The following TTC23L variants were observed in gnomAD, a reference collection of about 807,000 sequenced individuals.
The protein encoded by TTC23L is tetratricopeptide repeat domain 23 like, also known as tetratricopeptide repeat protein 23-like.
A neutral mutation model predicts 48.1 loss-of-function variants in TTC23L; 42 were observed. That is an observed-to-expected ratio of 0.87 (90% CI 0.68 to 1.13). The LOEUF is 1.13. TTC23L is among the 50% of genes most tolerant of loss of function. The pLI is 0.00. For synonymous variants in TTC23L, 159 were observed against 157.2 expected (o/e 1.01, Z -0.09); for missense variants, 391 against 421.0 (o/e 0.93, Z 0.62).
At chr5:34,910,213 T>A in the TTC23L span, among the ~76,000 whole-genome samples, 1 of 152,144 alleles carries the variant, frequency 6.6e-6, no homozygotes, top group African/African-American at 2.4e-5. Context: ...TTGTTTCCCA[T>A]CCTGGAGATG....
downstream of TTC23L, among the ~76,000 whole-genome samples, chr5:34,904,408 A>T (rs1454603433): frequency 6.6e-6 from 1 of 151,534 alleles, no homozygotes; most frequent in Non-Finnish European, 1.5e-5. Context: ...ATCCTGGCCA[A>T]CATGGTGAAA....
chr5:34,915,746 C>T, the TTC23L span: 2 of 1,600,534 alleles, frequency 1.2e-6, no homozygotes, highest in Non-Finnish European at 1.7e-6. Context: ...AAGATGGCGG[C>T]AACCAAGAGG....
chr5:34,920,047 G>A, the TTC23L span: 2 of 447,018 alleles, frequency 4.5e-6, no homozygotes, highest in Non-Finnish European at 8.1e-6. Context: ...ATCTCTCACA[G>A]TTTAGTGCTT....
At chr5:34,849,304 A>G (rs1315441422) in intron 3 of TTC23L, among the ~76,000 whole-genome samples, 1 of 152,234 alleles carries the variant, frequency 6.6e-6, no homozygotes, top group Non-Finnish European at 1.5e-5. Flanking sequence ...ACCAGTAGCC[A>G]TGAAGTCGTT....
At chr5:34,881,709 A>T (rs996996596) in intron 9 of TTC23L, among the ~76,000 whole-genome samples, 1 of 151,790 alleles carries the variant, frequency 6.6e-6, no homozygotes, top group Non-Finnish European at 1.5e-5. Context: ...CAAAAACCTT[A>T]TAATGATTTG....
intron 8 of TTC23L, chr5:34,869,645 C>A (rs1013411674): frequency 6.6e-6 from 1 of 152,174 alleles, no homozygotes; most frequent in Non-Finnish European, 1.5e-5. Flanking sequence ...AGTGGCCTGT[C>A]AGGAGGAATT....
chr5:34,920,296 A>G, the TTC23L span: 1 of 152,724 alleles, frequency 6.5e-6, no homozygotes, highest in Non-Finnish European at 1.5e-5. Context: ...GGAACTGGCT[A>G]TTAAGGTATT....
exon 7 of TTC23L, chr5:34,866,956 G>A: frequency 6.2e-7 from 1 of 1,610,544 alleles, no homozygotes; most frequent in Non-Finnish European, 8.5e-7. Context: ...AATTGGCGAT[G>A]TTATTGCTGC....
At chr5:34,913,924 T>G in the TTC23L span, 3 of 456,552 alleles carry the variant, frequency 6.6e-6, no homozygotes, top group African/African-American at 4.0e-5. Context: ...TCACTATGAT[T>G]ACCCAGGCTG....
intron 4 of TTC23L, 118 bp downstream of exon 4, chr5:34,850,426 A>C: frequency 5.6e-6 from 7 of 1,259,346 alleles, no homozygotes; most frequent in Non-Finnish European, 7.8e-6. Context: ...TAGCTCACAC[A>C]TTATCAGGAA....
At chr5:34,870,689 A>C (rs1378922739) in intron 8 of TTC23L, among the ~76,000 whole-genome samples, 1 of 151,724 alleles carries the variant, frequency 6.6e-6, no homozygotes, top group Non-Finnish European at 1.5e-5. Flanking sequence ...TGTGTAGATG[A>C]AAAAAGCAAC....
chr5:34,916,451 C>T, the TTC23L span: 11 of 152,364 alleles, frequency 7.2e-5, no homozygotes, highest in African/African-American at 2.6e-4. Flanking sequence ...TTGAATGTGC[C>T]ATGCACTGTA....
chr5:34,891,104 T>A (rs991225232), intron 9 of TTC23L, among the ~76,000 whole-genome samples: 1 of 152,016 alleles, frequency 6.6e-6, no homozygotes, highest in African/African-American at 2.4e-5. Context: ...AAATGCCCAA[T>A]GAATGTTGAG....
chr5:34,896,648 A>G, intron 9 of TTC23L, 122 bp from the exon 10 acceptor site: 1 of 710,230 alleles, frequency 1.4e-6, no homozygotes, highest in South Asian at 1.5e-5. Context: ...GAAAACATGA[A>G]GAAATAATAA....
chr5:34,839,326 G>A (rs1758386017), intron 1 of TTC23L, 67 bp downstream of exon 1: 1 of 152,730 alleles, frequency 6.5e-6, no homozygotes, highest in African/African-American at 2.4e-5. Context: ...GGAGCTGGGA[G>A]GCTGGTTCCG....
intron 1 of TTC23L, 86 bp from the exon 2 acceptor site, chr5:34,840,579 T>A: frequency 8.5e-7 from 1 of 1,179,848 alleles, no homozygotes; most frequent in Non-Finnish European, 1.3e-6. Context: ...CAGTTTTAGT[T>A]TAATGTTAAT....
chr5:34,903,188 T>C (rs532210182), downstream of TTC23L, among the ~76,000 whole-genome samples: 62 of 152,310 alleles, frequency 4.1e-4, no homozygotes, highest in African/African-American at 1.5e-3. Context: ...CAGTGTAAGG[T>C]TGCCATTGTC....
chr5:34,905,332 A>G, the TTC23L span: 1 of 152,220 alleles, frequency 6.6e-6, no homozygotes, highest in East Asian at 1.9e-4. Flanking sequence ...GGAAGGAAAG[A>G]AGGAAGTCTC....
chr5:34,918,989 G>A, the TTC23L span: 1 of 151,478 alleles, frequency 6.6e-6, no homozygotes, highest in South Asian at 2.1e-4. Context: ...GGTAGCTCAT[G>A]CCTGTAATCC....
Sources: gnomAD v4.1 joint callset for allele counts (sites outside exome capture counted in the v4.1 genomes callset) on GRCh38, gnomAD v4.1.1 for gene constraint, MANE v1.5 for transcripts, NCBI Gene and HGNC (gene_info 2026-07-23, HGNC 2026-07-21) for gene names.